FAM136A: variants seen among roughly 807,000 people sequenced by gnomAD.
FAM136A encodes TIM double twin CX3C motif chaperone.
A neutral mutation model predicts 21.6 loss-of-function variants in FAM136A; 25 were observed. That is an observed-to-expected ratio of 1.16 (90% CI 0.84 to 1.62). The LOEUF is 1.62. Among genes scored for constraint, FAM136A ranks in the 40% most tolerant of loss-of-function variants. The pLI is 0.00. For missense variants in FAM136A, 338 were observed against 332.0 expected (o/e 1.02, Z -0.14); for synonymous variants, 119 against 129.4 (o/e 0.92, Z 0.55).
In FAM136A at chr2:70,301,610, A is replaced by T; in HGVS notation, c.402T>A (p.Leu134=). Residue 134 remains leucine, a synonymous_variant, in exon 1 of 3, where the codon CTT becomes CTA. Transcript: ENST00000430566. ...APPPSPLTRP[L]PQGLMFRCSA... ...TGGGCCTCGGGCCGCTCACCTGCGG[A>T]AGGGGCCGCGTAAGAGGGGAAGGTG... The T allele has an allele frequency of 6.5e-7, 1 of 1,535,956 alleles. No homozygotes were observed. Among genetic ancestry groups the T allele is most frequent in the Non-Finnish European group, 8.7e-7 (1 of 1,146,792 alleles).
chr2:70,297,623 T>G (rs995952042), intron 2 of FAM136A, 146 bp from the exon 3 acceptor site: 3 of 344,418 alleles, frequency 8.7e-6, no homozygotes, highest in Non-Finnish European at 1.4e-5. Context: ...TTGGCCAAGT[T>G]TTTTTTTTTT....
At chr2:70,298,241 C>T (rs556135220) in intron 2 of FAM136A, among the ~76,000 whole-genome samples, 58 of 152,132 alleles carry the variant, frequency 3.8e-4, no homozygotes, top group Non-Finnish European at 5.7e-4. Context: ...TACAGGCATG[C>T]GCCACCATGC....
rs1697244936 is a variant in FAM136A, at chr2:70,296,290, T to A, written c.*999A>T. ...CCTGTTGCCAGGGGTTTGTCTCAAT[T>A]GGGCTCTGTTAATTCAGGGGGCTAA... On this transcript the variant is annotated 3_prime_UTR_variant, in exon 3 of 3. Coordinates refer to ENST00000430566, the MANE Select transcript of FAM136A (RefSeq NM_001329752.2). 1 of 165,744 alleles carries A rather than the reference T, an allele frequency of 6.0e-6. No individual in the cohort carries two copies. The highest frequency in any genetic ancestry group is 2.4e-5 in the African/African-American group (1 of 41,648). The allele number at this position is 165,744 out of a possible 1,614,324, so 10.3% of individuals were successfully genotyped here.
chr2:70,300,180 G>A (rs1368203919), intron 2 of FAM136A, among the ~76,000 whole-genome samples: 2 of 151,680 alleles, frequency 1.3e-5, no homozygotes, highest in African/African-American at 2.4e-5. Context: ...GATTACAGGC[G>A]CGAGCTACGC....
Position 70,297,373 on chromosome 2 carries a change from C to T in FAM136A, c.654G>A (p.Val218=), listed in dbSNP as rs753344193. Residue 218 remains valine, a synonymous_variant, in exon 3 of 3, where the codon GTG becomes GTA. Coordinates refer to ENST00000430566, the MANE Select transcript of FAM136A (RefSeq NM_001329752.2). ...GCATGTGGTCATCCACACACTTGGT[C>T]ACACAACTGTCCAGCTGCTGCTTCA... ...LQVKQQLDSC[V]TKCVDDHMHL... is the part of the protein sequence containing the mutation. 119 of 1,613,922 alleles carry T rather than the reference C, an allele frequency of 7.4e-5. No homozygotes were observed. In the Middle Eastern group the frequency reaches 8.2e-4, roughly 11 times the overall value.
intron 2 of FAM136A, among the ~76,000 whole-genome samples, chr2:70,298,302 G>A (rs1342754590): frequency 6.6e-6 from 1 of 151,796 alleles, no homozygotes; most frequent in African/African-American, 2.4e-5. Flanking sequence ...CTCCATGTTG[G>A]TCAGGCTGGT....
chr2:70,298,991 A>G lies in FAM136A; in HGVS notation c.550-1514T>C, dbSNP rs74602725. ...AGTGAAAGTCCACTTGGAGAGGACTAAAAAGATAATGCAAGGGAAGTTATA... is the reference window on the plus strand; with the variant it reads ...AGTGAAAGTCCACTTGGAGAGGACTGAAAAGATAATGCAAGGGAAGTTATA... On this transcript the variant is annotated intron_variant, in intron 2 of 2. Transcript: ENST00000430566. Among the ~76,000 whole-genome samples, 958 of 152,322 alleles carry G rather than the reference A, an allele frequency of 6.3e-3. 5 individuals carry two copies. Among genetic ancestry groups the G allele is most frequent in the African/African-American group, 0.022 (912 of 41,574 alleles).
At chr2:70,300,333 A>G (rs914784852) in intron 2 of FAM136A, among the ~76,000 whole-genome samples, 2 of 151,334 alleles carry the variant, frequency 1.3e-5, no homozygotes, top group Non-Finnish European at 2.9e-5. Flanking sequence ...CCATTACATC[A>G]TTTCTTTTTT....
Position 70,297,000 on chromosome 2 carries a change from T to G in FAM136A, c.*289A>C. 3.3e-6 allele frequency: 1 copy of G among 302,954 alleles called. No individual in the cohort carries two copies. Among genetic ancestry groups the G allele is most frequent in the Non-Finnish European group, 6.3e-6 (1 of 159,052 alleles). The allele number at this position is 302,954 out of a possible 1,614,324, so 18.8% of individuals were successfully genotyped here. A position where few individuals can be genotyped will look rare whatever the true frequency, so the allele number is the denominator to read the frequency against. On this transcript the variant is annotated 3_prime_UTR_variant, in exon 3 of 3. Coordinates refer to ENST00000430566, the MANE Select transcript of FAM136A (RefSeq NM_001329752.2). ...TGGTACCTTGGAGGGCTCTGGCTTGTTACAGGGGAAAGCCTTACTGCCAGG... is the reference window on the plus strand; with the variant it reads ...TGGTACCTTGGAGGGCTCTGGCTTGGTACAGGGGAAAGCCTTACTGCCAGG...
chr2:70,299,308 CTT>C (rs1392797206), intron 2 of FAM136A, among the ~76,000 whole-genome samples: 1 of 152,166 alleles, frequency 6.6e-6, no homozygotes, highest in Non-Finnish European at 1.5e-5. Context: ...TGTGGATACT[CTT>C]TGCTCCAGAG....
At chr2:70,301,384 G>C (rs1184821010) in intron 1 of FAM136A, 1 of 1,519,862 alleles carries the variant, frequency 6.6e-7, no homozygotes, top group East Asian at 2.5e-5. Context: ...ATGACTCAAG[G>C]GGCACTATCT....
Position 70,301,854 on chromosome 2 carries a change from T to C in FAM136A, c.158A>G (p.His53Arg). 1 of 1,553,862 alleles carries C rather than the reference T, an allele frequency of 6.4e-7. No homozygotes were observed. Among genetic ancestry groups the C allele is most frequent in the Non-Finnish European group, 8.7e-7 (1 of 1,148,572 alleles). ...GWVPGPSLSH[H>R]ATPCTAAASP... ...CGCGGCTGCAGTGCAAGGCGTCGCG[T>C]GGTGGCTGAGGGAAGGGCCCGGAAC... Residue 53 changes from histidine to arginine, a missense_variant, in exon 1 of 3, where the codon CAC becomes CGC. By Grantham distance (29) the His-to-Arg change is conservative. Transcript: ENST00000430566.
chr2:70,295,993 CTTA>C lies in FAM136A; in HGVS notation c.*1293_*1295del, dbSNP rs1697234681. Reference sequence around the variant, plus strand: ...CTCAATAGTGGGGAGAAAATTAAACCTTATTTATTTTTAAAGTCAAACCACTAG... The same window carrying C: ...CTCAATAGTGGGGAGAAAATTAAACCTTTATTTTTAAAGTCAAACCACTAG... On this transcript the variant is annotated 3_prime_UTR_variant, in exon 3 of 3. Transcript: ENST00000430566. 2.6e-5 allele frequency: 4 copies of C among 152,610 alleles called. No individual in the cohort carries two copies. In the South Asian group the frequency reaches 8.3e-4, roughly 32 times the overall value. The allele number at this position is 152,610 out of a possible 1,614,324, so 9.5% of individuals were successfully genotyped here.
Position 70,301,638 on chromosome 2 carries a change from G to A in FAM136A, c.374C>T (p.Pro125Leu), listed in dbSNP as rs1697404406. 1.3e-6 allele frequency: 2 copies of A among 1,535,768 alleles called. No individual in the cohort carries two copies. Among genetic ancestry groups the A allele is most frequent in the East Asian group, 2.4e-5 (1 of 40,902 alleles). Reference protein sequence around the residue: ...VGSPWWQALAPPPSPLTRPLP... With the variant: ...VGSPWWQALALPPSPLTRPLP... ...GGGCCGCGTAAGAGGGGAAGGTGGTGGGGCGAGCGCCTGCCACCAGGGGCT... is the reference window on the plus strand; with the variant it reads ...GGGCCGCGTAAGAGGGGAAGGTGGTAGGGCGAGCGCCTGCCACCAGGGGCT... The change falls in exon 1 of 3, where the codon CCA becomes CTA. Residue 125 changes from proline to leucine, a missense_variant. Pro to Leu is a moderately conservative substitution (Grantham distance 98). Transcript: ENST00000430566.
intron 1 of FAM136A, 152 bp from the exon 2 acceptor site, chr2:70,301,132 T>A: frequency 1.1e-6 from 1 of 950,626 alleles, no homozygotes; most frequent in Non-Finnish European, 1.6e-6. Flanking sequence ...ACCAGGACCT[T>A]AAAACCACCA....
At chr2:70,300,763 G>A (rs1425225037) in intron 2 of FAM136A, 77 bp downstream of exon 2, 1 of 1,467,804 alleles carries the variant, frequency 6.8e-7, no homozygotes, top group South Asian at 1.4e-5. Flanking sequence ...AAAGCCAAGA[G>A]TTTTGAACAA....
In FAM136A at chr2:70,300,934, G is replaced by A. The variant is rs1313678457; in HGVS notation, c.455C>T (p.Ala152Val). Residue 152 changes from alanine to valine, a missense_variant, in exon 2 of 3, where the codon GCC (alanine) becomes GTC (valine). Ala to Val is a moderately conservative substitution (Grantham distance 64, BLOSUM62 0). Coordinates refer to ENST00000430566, the MANE Select transcript of FAM136A (RefSeq NM_001329752.2). The part of the protein sequence containing the change: ...CSASCCEDSQ[A>V]SMKQVHQCIE... ...GCACTGGTGCACCTGCTTCATGGAG[G>A]CCTGGCTGTCCTCACAACAGCTGGC... 1.2e-6 allele frequency: 2 copies of A among 1,613,340 alleles called. No homozygotes were observed.
intron 2 of FAM136A, among the ~76,000 whole-genome samples, chr2:70,299,835 C>T (rs986983943): frequency 2.0e-5 from 3 of 152,074 alleles, no homozygotes; most frequent in East Asian, 3.9e-4. Flanking sequence ...CTCCTGACCT[C>T]GTGATCTGCC....
rs60931443 is a variant in FAM136A, at chr2:70,300,645, T to A, written c.549+195A>T. 1,173 of 563,218 alleles carry A rather than the reference T, an allele frequency of 2.1e-3. 13 individuals carry two copies. Among genetic ancestry groups the A allele is most frequent in the African/African-American group, 0.02 (1,082 of 53,286 alleles). The allele number at this position is 563,218 out of a possible 1,614,324, so 34.9% of individuals were successfully genotyped here. A position where few individuals can be genotyped will look rare whatever the true frequency, so the allele number is the denominator to read the frequency against. ...CGGCCTACATCATTTCTATAGGAAA[T>A]GATGTTCAACTTAAGGCACTCGACC... On this transcript the variant is annotated intron_variant, in intron 2 of 2. Transcript: ENST00000430566.
Sources: gnomAD v4.1 joint callset for allele counts (sites outside exome capture counted in the v4.1 genomes callset) on GRCh38, gnomAD v4.1.1 for gene constraint, MANE v1.5 for transcripts, NCBI Gene and HGNC (gene_info 2026-07-23, HGNC 2026-07-21) for gene names.